The following CEP78 variants were observed in gnomAD, a reference collection of about 807,000 sequenced individuals.
CEP78 encodes centrosomal protein of 78 kDa.
Under a neutral mutation model 81.2 loss-of-function variants are expected in CEP78, and 76 were observed. That is an observed-to-expected ratio of 0.94 (90% CI 0.78 to 1.13). The LOEUF (loss-of-function observed/expected upper bound fraction) is 1.13. Among genes scored for constraint, CEP78 ranks in the 50% most tolerant of loss-of-function variants. The pLI, the probability that CEP78 is intolerant of heterozygous loss-of-function variation, is 0.00. For missense variants in CEP78, 918 were observed against 846.8 expected, an observed-to-expected ratio of 1.08 and a Z score of -1.04; for synonymous variants, 293 against 301.4, an observed-to-expected ratio of 0.97 and a Z score of 0.29.
chr9:78,272,776 A>T lies in CEP78; in HGVS notation c.*1925A>T, dbSNP rs556993841. The T allele has an allele frequency of 7.2e-5, 11 of 152,364 alleles. No individual in the cohort carries two copies. Among genetic ancestry groups the T allele is most frequent in the African/African-American group, 2.6e-4 (11 of 41,588 alleles). 9.4% of individuals were successfully genotyped at this position (152,364 alleles called of 1,614,324 possible). ...CAGATTGGCTAGAGGCCCCTATTCAACATCAACCTCAATCTGGAAGCGAGG... is the reference window on the plus strand; with the variant it reads ...CAGATTGGCTAGAGGCCCCTATTCATCATCAACCTCAATCTGGAAGCGAGG... On this transcript the variant is annotated 3_prime_UTR_variant, in exon 17 of 17. Coordinates refer to ENST00000643273, the MANE Select transcript of CEP78 (RefSeq NM_001330691.3).
At position 78,236,750 on chromosome 9, in the gene CEP78, A is replaced by G. The variant is rs908430272; in HGVS notation, c.253+147A>G. 6.2e-5 allele frequency: 65 copies of G among 1,041,444 alleles called. No individual in the cohort carries two copies. The African/African-American group carries it at 7.1e-4, about 11-fold the overall frequency. 64.5% of individuals were successfully genotyped at this position (1,041,444 alleles called of 1,614,324 possible). A position where few individuals can be genotyped will look rare whatever the true frequency, so the allele number is the denominator to read the frequency against. ...GCTAGGTGAGTGGCTTAAGGTCTCT[A>G]GGGCTTCAGTGTGCTCATCCGTAAC... On this transcript the variant is annotated intron_variant, in intron 1 of 16. Transcript: ENST00000643273.
At chr9:78,244,944 G>A (rs78549636) in intron 5 of CEP78, among the ~76,000 whole-genome samples, 1,811 of 152,070 alleles carry the variant, frequency 0.012, 21 homozygotes, top group Non-Finnish European at 0.013. Context: ...TGTGACCTTC[G>A]CCAATCTGAT....
intron 6 of CEP78, 23 bp from the exon 7 acceptor site, chr9:78,248,268 T>C: frequency 7.5e-7 from 1 of 1,331,848 alleles, no homozygotes; most frequent in East Asian, 2.3e-5. Context: ...ATTACTATAA[T>C]TTCAATTTTT....
Position 78,271,896 on chromosome 9 carries a change from T to A in CEP78, c.*1045T>A, listed in dbSNP as rs1827697818. On this transcript the variant is annotated 3_prime_UTR_variant, in exon 17 of 17. Transcript: ENST00000643273. ...GTAGAGTTGGGTTCTTTCTTTCTTT[T>A]CTTTTTTTCTTTTTTTCTTTTTTTT... 1 of 150,480 alleles carries A rather than the reference T, an allele frequency of 6.6e-6. No homozygotes were observed. The highest frequency in any genetic ancestry group is 1.5e-5 in the Non-Finnish European group (1 of 67,964). 9.3% of individuals were successfully genotyped at this position (150,480 alleles called of 1,614,324 possible).
In CEP78 at chr9:78,279,507, G is replaced by C. The variant is rs1419964318; in HGVS notation, c.*8656G>C. ...TATTATTTTAAAGAAGAAGGAATGA[G>C]GCCTGAGAGGTATTGATTCACTTGG... On this transcript the variant is annotated 3_prime_UTR_variant, in exon 17 of 17. Transcript: ENST00000643273. The C allele has an allele frequency of 6.6e-6, 1 of 152,188 alleles. No homozygotes were observed. The allele number at this position is 152,188 out of a possible 1,614,324, so 9.4% of individuals were successfully genotyped here.
At chr9:78,243,819 C>CAAA (rs35270879) in intron 5 of CEP78, among the ~76,000 whole-genome samples, 183 bp downstream of exon 5, 1 of 142,440 alleles carries the variant, frequency 7.0e-6, no homozygotes, top group Admixed American at 6.8e-5. Context: ...TACCAAGTAA[C>CAAA]AAAAAAAAAA....
rs746770539 is a variant in CEP78, at chr9:78,265,465, T to A, written c.1719T>A (p.Pro573=). Residue 573 remains proline, a synonymous_variant, in exon 14 of 17, where the codon CCT becomes CCA. Transcript: ENST00000643273. ...PQMTSTVSNP[P]KEEKKALEDE... is the part of the protein sequence containing the mutation. ...TGACTTCTACTGTTAGTAATCCACCTAAAGAAGAAAAGAAGGCGCTTGAAG... is the reference window on the plus strand; with the variant it reads ...TGACTTCTACTGTTAGTAATCCACCAAAAGAAGAAAAGAAGGCGCTTGAAG... 2 of 1,595,470 alleles carry A rather than the reference T, an allele frequency of 1.3e-6. No homozygotes were observed. The highest frequency in any genetic ancestry group is 1.7e-6 in the Non-Finnish European group (2 of 1,170,522).
chr9:78,278,492 A>G lies in CEP78; in HGVS notation c.*7641A>G, dbSNP rs1446212303. The G allele has an allele frequency of 1.3e-5, 2 of 152,226 alleles. No homozygotes were observed. The highest frequency in any genetic ancestry group is 4.8e-5 in the African/African-American group (2 of 41,452). 9.4% of individuals were successfully genotyped at this position (152,226 alleles called of 1,614,324 possible). A position where few individuals can be genotyped will look rare whatever the true frequency, so the allele number is the denominator to read the frequency against. On this transcript the variant is annotated 3_prime_UTR_variant, in exon 17 of 17. Coordinates refer to ENST00000643273, the MANE Select transcript of CEP78 (RefSeq NM_001330691.3). ...TATAATTAATGGAAAATTGCATCAAACAACTCTGATTGTACTTCTAGTGAC... is the reference window on the plus strand; with the variant it reads ...TATAATTAATGGAAAATTGCATCAAGCAACTCTGATTGTACTTCTAGTGAC...
intron 9 of CEP78, among the ~76,000 whole-genome samples, chr9:78,252,829 A>C (rs373088004): frequency 1.2e-4 from 18 of 152,238 alleles, no homozygotes; most frequent in Non-Finnish European, 8.8e-5. Context: ...TTATTATTGC[A>C]TAAACTATAG....
At chr9:78,238,066 A>T (rs1261078802) in intron 1 of CEP78, among the ~76,000 whole-genome samples, 1 of 151,582 alleles carries the variant, frequency 6.6e-6, no homozygotes, top group African/African-American at 2.4e-5. Context: ...TGGAGGTCGC[A>T]GTGAGCTGAG....
intron 1 of CEP78, among the ~76,000 whole-genome samples, chr9:78,238,179 C>T (rs919638682): frequency 2.0e-5 from 3 of 150,456 alleles, no homozygotes; most frequent in East Asian, 1.9e-4. Flanking sequence ...AATGGATGGG[C>T]GTGGTGACTA....
At chr9:78,238,235 G>A (rs564739927) in intron 1 of CEP78, among the ~76,000 whole-genome samples, 2 of 152,310 alleles carry the variant, frequency 1.3e-5, no homozygotes, top group East Asian at 1.9e-4. Context: ...TTACAGCAGC[G>A]TCTGTAAGTG....
intron 8 of CEP78, among the ~76,000 whole-genome samples, chr9:78,250,733 T>C (rs914029521): frequency 6.6e-6 from 1 of 152,138 alleles, no homozygotes; most frequent in African/African-American, 2.4e-5. Context: ...AGCGAGACTC[T>C]TGTCTCCAAA....
At position 78,275,568 on chromosome 9, in the gene CEP78, G is replaced by GCACT. The variant is rs1827784125; in HGVS notation, c.*4719_*4722dup. On this transcript the variant is annotated 3_prime_UTR_variant, in exon 17 of 17. Coordinates refer to ENST00000643273, the MANE Select transcript of CEP78 (RefSeq NM_001330691.3). The stretch of plus-strand genomic sequence containing the variant: ...TGCAGTGAGCTGAGGTCACACCGTT[G>GCACT]CACTCTAGCCTGGGAGACAAGAGGG... 7.0e-6 allele frequency: 1 copy of GCACT among 142,460 alleles called. No individual in the cohort carries two copies. Among genetic ancestry groups the GCACT allele is most frequent in the African/African-American group, 2.7e-5 (1 of 36,742 alleles). The allele number at this position is 142,460 out of a possible 1,614,324, so 8.8% of individuals were successfully genotyped here. A position where few individuals can be genotyped will look rare whatever the true frequency, so the allele number is the denominator to read the frequency against.
intron 16 of CEP78, among the ~76,000 whole-genome samples, chr9:78,269,991 G>A (rs1350776644): frequency 2.0e-5 from 3 of 152,174 alleles, no homozygotes; most frequent in Admixed American, 6.5e-5. Context: ...TGATGAACTT[G>A]AGATGACTCC....
chr9:78,257,371 T>C (rs1371046743), intron 11 of CEP78, among the ~76,000 whole-genome samples: 5 of 152,162 alleles, frequency 3.3e-5, no homozygotes, highest in African/African-American at 4.8e-5. Context: ...GGGGGCTGAA[T>C]AGGACATTTT....
intron 3 of CEP78, among the ~76,000 whole-genome samples, chr9:78,241,040 A>C (rs560899567): frequency 3.3e-5 from 5 of 152,210 alleles, no homozygotes; most frequent in Non-Finnish European, 7.4e-5. Context: ...GGTATGTTCC[A>C]AAATAGGAAA....
Position 78,263,126 on chromosome 9 carries a change from A to T in CEP78, c.1458+142A>T, listed in dbSNP as rs372705785. On this transcript the variant is annotated intron_variant, in intron 12 of 16. Coordinates refer to ENST00000643273, the MANE Select transcript of CEP78 (RefSeq NM_001330691.3). ...ATGGTCACAGTATGTTAATGTTTGT[A>T]TTTACTTATATTTGGTGACCGTGTG... 540 of 420,878 alleles carry T rather than the reference A, an allele frequency of 1.3e-3. 8 individuals are homozygous for T. The South Asian group carries it at 0.03, about 23-fold the overall frequency. 26.1% of individuals were successfully genotyped at this position (420,878 alleles called of 1,614,324 possible). A position where few individuals can be genotyped will look rare whatever the true frequency, so the allele number is the denominator to read the frequency against.
rs1174913689 is a variant in CEP78 at position 78,241,713 on chromosome 9, A to G, written c.517A>G (p.Lys173Glu). 1.3e-6 allele frequency: 2 copies of G among 1,592,746 alleles called. No individual in the cohort carries two copies. The highest frequency in any genetic ancestry group is 4.5e-5 in the East Asian group (2 of 44,594). ...CATTTTAGTTATTTGTCAAGGTATAAAGAGCTCTATCACTCTTAAGACAGT... is the reference window on the plus strand; with the variant it reads ...CATTTTAGTTATTTGTCAAGGTATAGAGAGCTCTATCACTCTTAAGACAGT... ...GGLEIICQGI[K>E]SSITLKTVNF... Residue 173 changes from lysine (K) to glutamate (E), a missense_variant, in exon 4 of 17, where the codon AAG (lysine) becomes GAG (glutamate). By Grantham distance (56) the Lys-to-Glu change is moderately conservative. Transcript: ENST00000643273.
Sources: allele counts gnomAD v4.1 joint callset (sites outside exome capture counted in the v4.1 genomes callset), GRCh38; gene constraint gnomAD v4.1.1; transcripts MANE v1.5; gene names NCBI Gene and HGNC (gene_info 2026-07-23, HGNC 2026-07-21).